SH3PXD2B: variants seen among roughly 807,000 people sequenced by gnomAD.
The protein encoded by SH3PXD2B is SH3 and PX domain-containing protein 2B.
A neutral mutation model predicts 73.1 loss-of-function variants in SH3PXD2B; 37 were observed. The ratio of observed to expected loss-of-function variants is 0.51; its 90% CI spans 0.39 to 0.67. The LOEUF (loss-of-function observed/expected upper bound fraction) is 0.67. SH3PXD2B is among the 30% of genes least tolerant of loss of function. SH3PXD2B has a pLI of 0.00. For missense variants in SH3PXD2B, 1,053 were observed against 1,197.8 expected (o/e 0.88, Z 1.78); for synonymous variants, 457 against 480.5 (o/e 0.95, Z 0.64).
chr5:172,446,608 G>A (rs2113516333), intron 1 of SH3PXD2B, among the ~76,000 whole-genome samples: 2 of 152,308 alleles, frequency 1.3e-5, no homozygotes, highest in Middle Eastern at 6.8e-3. Flanking sequence ...TTCCTTGTTT[G>A]GCAGTGTGAT....
chr5:172,330,515 C>G (rs1047830731), downstream of SH3PXD2B, among the ~76,000 whole-genome samples: 2 of 152,186 alleles, frequency 1.3e-5, no homozygotes, highest in East Asian at 1.9e-4. Context: ...TGTAAGTAAA[C>G]CCCCTCTCAG....
chr5:172,431,025 C>T (rs1759225988), intron 1 of SH3PXD2B, among the ~76,000 whole-genome samples: 1 of 152,174 alleles, frequency 6.6e-6, no homozygotes, highest in South Asian at 2.1e-4. Flanking sequence ...CATCACCACT[C>T]CTGGCTAATT....
At chr5:172,423,909 T>C (rs1345331572) in intron 1 of SH3PXD2B, among the ~76,000 whole-genome samples, 2 of 152,076 alleles carry the variant, frequency 1.3e-5, no homozygotes, top group African/African-American at 2.4e-5. Context: ...TCCCAAAGTG[T>C]TGGGATTACA....
In SH3PXD2B at chr5:172,338,615, G is replaced by A; in HGVS notation, c.2490C>T (p.Gly830=). The A allele has an allele frequency of 1.2e-6, 2 of 1,614,092 alleles. No homozygotes were observed. Among genetic ancestry groups the A allele is most frequent in the Non-Finnish European group, 1.7e-6 (2 of 1,179,982 alleles). The change falls in exon 13 of 13, where the codon GGC becomes GGT. Residue 830 remains glycine, a synonymous_variant. Transcript: ENST00000311601. This position sits in a 1 kb window ranked among gnomAD's most constrained non-coding sequence, Gnocchi z 5.1. ...GKGSLGPWGT[G]KIGENREKAA... ...CTTTCTCCCTGTTTTCTCCAATCTT[G>A]CCGGTCCCCCATGGCCCCAGGCTGC...
At chr5:172,440,114 T>C (rs1759520845) in intron 1 of SH3PXD2B, among the ~76,000 whole-genome samples, 1 of 152,156 alleles carries the variant, frequency 6.6e-6, no homozygotes, top group Non-Finnish European at 1.5e-5. Context: ...GCCTGGGCAA[T>C]GAAGGAAACA....
At chr5:172,348,675 C>CTATCTATCTATCTTATCT (rs1757073272) in intron 10 of SH3PXD2B, among the ~76,000 whole-genome samples, 8 of 56,672 alleles carry the variant, frequency 1.4e-4, no homozygotes, top group African/African-American at 3.6e-4. Flanking sequence ...ATCTATCTAT[C>CTATCTATCTATCTTATCT]TATCTATCTA....
chr5:172,332,422 T>C (rs1756576550), downstream of SH3PXD2B, among the ~76,000 whole-genome samples: 1 of 18,756 alleles, frequency 5.3e-5, no homozygotes, highest in South Asian at 7.8e-3. Context: ...CCTGGCTACT[T>C]TTTTTTTTTT....
intron 1 of SH3PXD2B, among the ~76,000 whole-genome samples, chr5:172,434,160 G>A (rs368476042): frequency 1.3e-4 from 20 of 152,290 alleles, no homozygotes; most frequent in East Asian, 7.7e-4. Context: ...AAATATTTGA[G>A]GGGACGGATA....
intron 1 of SH3PXD2B, among the ~76,000 whole-genome samples, chr5:172,433,263 TG>T (rs1759295920): frequency 6.6e-6 from 1 of 152,108 alleles, no homozygotes. Flanking sequence ...TCTAGGTTTG[TG>T]TAAGTACACA....
intron 1 of SH3PXD2B, among the ~76,000 whole-genome samples, chr5:172,426,214 T>C (rs1030189110): frequency 6.6e-6 from 1 of 152,218 alleles, no homozygotes; most frequent in Non-Finnish European, 1.5e-5. Flanking sequence ...CACAACGTGA[T>C]GTCTGCATTT....
intron 12 of SH3PXD2B, among the ~76,000 whole-genome samples, chr5:172,341,177 C>T (rs954316750): frequency 3.3e-5 from 5 of 152,162 alleles, no homozygotes; most frequent in South Asian, 2.1e-4. Flanking sequence ...TACCCAAATT[C>T]GTATGTTGAA....
chr5:172,335,674 A>C lies in SH3PXD2B; in HGVS notation c.*2695T>G, dbSNP rs1294017614. ...AGCCATGACTCCAGGGGAGTTCTGCATATGCGCCATCAATCGCTCACAGAA... is the reference window on the plus strand; with the variant it reads ...AGCCATGACTCCAGGGGAGTTCTGCCTATGCGCCATCAATCGCTCACAGAA... On this transcript the variant is annotated 3_prime_UTR_variant, in exon 13 of 13. Transcript: ENST00000311601. 2 of 1,231,664 alleles carry C rather than the reference A, an allele frequency of 1.6e-6. No homozygotes were observed. The highest frequency in any genetic ancestry group is 2.0e-6 in the Non-Finnish European group (2 of 987,996). The allele number at this position is 1,231,664 out of a possible 1,614,324, so 76.3% of individuals were successfully genotyped here.
At chr5:172,325,485 G>T in intron 12 of SH3PXD2B, 1 of 679,926 alleles carries the variant, frequency 1.5e-6, no homozygotes, top group Non-Finnish European at 2.5e-6. Flanking sequence ...GCATACCGCA[G>T]ACTGAGTAAT....
chr5:172,423,550 G>C (rs1054971418), intron 1 of SH3PXD2B, among the ~76,000 whole-genome samples: 18 of 145,930 alleles, frequency 1.2e-4, no homozygotes, highest in Admixed American at 1.0e-3. Context: ...GGGGTTGGGG[G>C]GGGGGGCGCA....
chr5:172,432,724 C>G (rs962652300), intron 1 of SH3PXD2B, among the ~76,000 whole-genome samples: 9 of 152,144 alleles, frequency 5.9e-5, no homozygotes, highest in Non-Finnish European at 1.2e-4. Context: ...CAAGACCAGC[C>G]TGGCTGGTGA....
At chr5:172,376,030 C>CTTT (rs371476674) in intron 5 of SH3PXD2B, among the ~76,000 whole-genome samples, 5,328 of 136,112 alleles carry the variant, frequency 0.039, 168 homozygotes, top group South Asian at 0.17. Flanking sequence ...CATGTATCTT[C>CTTT]TTTTTTTTTT....
At position 172,373,833 on chromosome 5, in the gene SH3PXD2B, G is replaced by C. The variant is rs371085113; in HGVS notation, c.402-18C>G. On this transcript the variant is annotated intron_variant, in intron 5 of 12. Transcript: ENST00000311601. ...TGTGCTCCCTGTACAGGAAAGAAAG[G>C]GGGTGGGAAGAGTAACGAGTCAGTA... 40 of 1,613,918 alleles carry C rather than the reference G, an allele frequency of 2.5e-5. No homozygotes were observed. Among genetic ancestry groups the C allele is most frequent in the Middle Eastern group, 3.3e-4 (2 of 6,050 alleles).
intron 6 of SH3PXD2B, among the ~76,000 whole-genome samples, chr5:172,367,219 T>A (rs1183185283): frequency 6.6e-6 from 1 of 152,044 alleles, no homozygotes; most frequent in Non-Finnish European, 1.5e-5. Context: ...ATTACAGGCT[T>A]GAGCCACTGC....
chr5:172,413,257 A>G (rs573969940), intron 2 of SH3PXD2B, among the ~76,000 whole-genome samples: 19 of 152,356 alleles, frequency 1.2e-4, no homozygotes, highest in African/African-American at 4.6e-4. Context: ...CCCTGGGCCT[A>G]GTCTACCATC....
Sources: allele counts gnomAD v4.1 joint callset (sites outside exome capture counted in the v4.1 genomes callset), GRCh38; gene constraint gnomAD v4.1.1; non-coding constraint Gnocchi (gnomAD v3.1); transcripts MANE v1.5; gene names NCBI Gene and HGNC (gene_info 2026-07-23, HGNC 2026-07-21).